KIAA1217: variants seen among roughly 807,000 people sequenced by gnomAD.
The protein encoded by KIAA1217 is KIAA1217.
KIAA1217 carries 88 observed loss-of-function variants against 163.9 expected under a neutral mutation model. The ratio of observed to expected loss-of-function variants is 0.54; its 90% CI spans 0.45 to 0.64. KIAA1217 has a LOEUF of 0.64. Ranked by LOEUF, KIAA1217 falls within the 30% of genes least tolerant of loss-of-function variation. KIAA1217 has a pLI of 0.00. For synonymous variants in KIAA1217, 903 were observed against 923.1 expected, an observed-to-expected ratio of 0.98 and a Z score of 0.39; for missense variants, 2,372 against 2,475.0, an observed-to-expected ratio of 0.96 and a Z score of 0.88.
intron 2 of KIAA1217, among the ~76,000 whole-genome samples, chr10:24,147,006 T>TAA (rs755857019): frequency 0.019 from 2,126 of 110,584 alleles, 55 homozygotes; most frequent in African/African-American, 0.062. Flanking sequence ...TTTGTTTTGT[T>TAA]AAAAAAAAAA....
chr10:23,886,257 A>G lies in KIAA1217; in HGVS notation c.-320-120968A>G, dbSNP rs143602270. On this transcript the variant is annotated intron_variant, in intron 1 of 18. Transcript: ENST00000376462. ...TATTGCTAACTGTGTGGATGTTAAC[A>G]TGGGCATCTTCACATTTGGATCAGA... Among the ~76,000 whole-genome samples the G allele has an allele frequency of 9.1e-4, 138 of 152,048 alleles. 1 individual carries two copies. Among genetic ancestry groups the G allele is most frequent in the African/African-American group, 3.2e-3 (133 of 41,542 alleles).
chr10:24,391,511 A>G (rs1172203596), intron 3 of KIAA1217, among the ~76,000 whole-genome samples: 1 of 151,426 alleles, frequency 6.6e-6, no homozygotes, highest in Non-Finnish European at 1.5e-5. Context: ...CACCTGGTTA[A>G]TTTTTGTATT....
At chr10:24,354,890 G>T (rs2048891879) in intron 2 of KIAA1217, among the ~76,000 whole-genome samples, 1 of 150,492 alleles carries the variant, frequency 6.6e-6, no homozygotes, top group Non-Finnish European at 1.5e-5. Flanking sequence ...AGGGCCATGG[G>T]TTTCCAGACT....
chr10:23,839,884 C>T lies in KIAA1217; in HGVS notation c.-321+144650C>T, dbSNP rs78233352. Among the ~76,000 whole-genome samples the T allele has an allele frequency of 2.1e-3, 321 of 152,094 alleles. 2 individuals carry two copies. Among genetic ancestry groups the T allele is most frequent in the African/African-American group, 7.5e-3 (312 of 41,484 alleles). On this transcript the variant is annotated intron_variant, in intron 1 of 18. Transcript: ENST00000376462. ...CCAATCAGATAGTTTTTATTGAAAA[C>T]GTATGTGTCCAAATGAGTACAGAAA...
intron 2 of KIAA1217, among the ~76,000 whole-genome samples, chr10:24,249,430 A>G (rs1418595405): frequency 2.6e-5 from 4 of 152,202 alleles, no homozygotes. Context: ...CAAGTGCTGT[A>G]GGCTTGGGGT....
rs372012492 is a variant in KIAA1217 at position 24,402,516 on chromosome 10, C to CAAAAAAAAAA, written c.553+21455_553+21456insAAAAAAAAAA. Among the ~76,000 whole-genome samples the CAAAAAAAAAA allele has an allele frequency of 2.9e-4, 27 of 92,964 alleles. 1 individual carries two copies. Among genetic ancestry groups the CAAAAAAAAAA allele is most frequent in the Admixed American group, 4.6e-4 (4 of 8,622 alleles). The allele number at this position is 92,964 out of a possible 152,430, so 61.0% of individuals were successfully genotyped here. A position where few individuals can be genotyped will look rare whatever the true frequency, so the allele number is the denominator to read the frequency against. ...AAGGCAAGACTCCCTCTCAAAAAAA[C>CAAAAAAAAAA]AAAAAACAAAACAAAAAAAAAAAAA... On this transcript the variant is annotated intron_variant, in intron 3 of 20. Coordinates refer to ENST00000376454, the MANE Select transcript of KIAA1217 (RefSeq NM_019590.5).
chr10:24,019,920 A>G (rs1405224083), intron 2 of KIAA1217, among the ~76,000 whole-genome samples: 2 of 152,030 alleles, frequency 1.3e-5, no homozygotes, highest in African/African-American at 4.8e-5. Flanking sequence ...TGATTCTCAG[A>G]TTCAAGGACC....
intron 1 of KIAA1217, among the ~76,000 whole-genome samples, chr10:23,817,499 T>C (rs1588880509): frequency 6.6e-6 from 1 of 152,200 alleles, no homozygotes; most frequent in Admixed American, 6.5e-5. Flanking sequence ...CCAAATGAGA[T>C]AAGAGAGATC....
At chr10:24,440,098 G>C (rs1188214115) in intron 5 of KIAA1217, among the ~76,000 whole-genome samples, 1 of 152,278 alleles carries the variant, frequency 6.6e-6, no homozygotes, top group East Asian at 1.9e-4. Context: ...GGAGGGAAAG[G>C]CCTCTCACGT....
chr10:24,117,278 C>T (rs1037893076), intron 2 of KIAA1217, among the ~76,000 whole-genome samples: 2 of 152,108 alleles, frequency 1.3e-5, no homozygotes, highest in Non-Finnish European at 2.9e-5. Flanking sequence ...CTCAGGTGAT[C>T]CGCCCGCCTT....
At position 24,484,936 on chromosome 10, in the gene KIAA1217, T is replaced by C. The variant is rs553498168; in HGVS notation, c.1680-9564T>C. ...CAGAACAGCCTACACAGAAAGTGAA[T>C]TGTGAAATAGATTAAAGGCTGCCTG... On this transcript the variant is annotated intron_variant, in intron 6 of 20. Transcript: ENST00000376454. 7.6e-4 allele frequency among the ~76,000 whole-genome samples: 116 copies of C among 152,166 alleles called. 1 individual carries two copies. Among genetic ancestry groups the C allele is most frequent in the African/African-American group, 2.7e-3 (113 of 41,530 alleles).
chr10:24,283,582 C>G (rs78024838), intron 2 of KIAA1217, among the ~76,000 whole-genome samples: 1,646 of 152,218 alleles, frequency 0.011, 30 homozygotes, highest in East Asian at 0.084. Context: ...ATGAGAATCA[C>G]TTGAACACAG....
chr10:24,121,963 T>G (rs2063298268), intron 2 of KIAA1217, among the ~76,000 whole-genome samples: 1 of 152,108 alleles, frequency 6.6e-6, no homozygotes, highest in Non-Finnish European at 1.5e-5. Context: ...ACATAACGTG[T>G]GGTTATCTTG....
At position 24,494,545 on chromosome 10, in the gene KIAA1217, C is replaced by A. The variant is rs750511805; in HGVS notation, c.1725C>A (p.Gly575=). 2 of 1,613,962 alleles carry A rather than the reference C, an allele frequency of 1.2e-6. No individual in the cohort carries two copies. The highest frequency in any genetic ancestry group is 4.5e-5 in the East Asian group (2 of 44,890). ...AMEKQIASLT[G]LVQSALFKGP... ...AGAAACAGATTGCCAGTTTAACTGGCCTTGTTCAGTCTGCGCTTTTTAAAG... is the reference window on the plus strand; with the variant it reads ...AGAAACAGATTGCCAGTTTAACTGGACTTGTTCAGTCTGCGCTTTTTAAAG... Residue 575 remains glycine, a synonymous_variant, in exon 7 of 21, where the codon GGC becomes GGA. Coordinates refer to ENST00000376454, the MANE Select transcript of KIAA1217 (RefSeq NM_019590.5).
At chr10:24,527,186 C>T (rs954490874) in intron 13 of KIAA1217, among the ~76,000 whole-genome samples, 10 of 151,900 alleles carry the variant, frequency 6.6e-5, no homozygotes, top group Non-Finnish European at 1.5e-4. Flanking sequence ...GACAATGTGA[C>T]CCAGAGGGCA....
chr10:24,547,419 A>G lies in KIAA1217; in HGVS notation c.*1095A>G, dbSNP rs2075763933. 6.5e-6 allele frequency: 1 copy of G among 152,688 alleles called. No individual in the cohort carries two copies. 9.5% of individuals were successfully genotyped at this position (152,688 alleles called of 1,614,324 possible). ...TTGTAAATAAATGTATTTGTATAAC[A>G]CAGTCATGTAATATACAGAACTATA... On this transcript the variant is annotated 3_prime_UTR_variant, in exon 21 of 21. Coordinates refer to ENST00000376454, the MANE Select transcript of KIAA1217 (RefSeq NM_019590.5).
chr10:24,492,892 A>T lies in KIAA1217; in HGVS notation c.1680-1608A>T, dbSNP rs1021463423. On this transcript the variant is annotated intron_variant, in intron 6 of 20. Coordinates refer to ENST00000376454, the MANE Select transcript of KIAA1217 (RefSeq NM_019590.5). ...AGACAGTCTTGCACTGTCACCCAGG[A>T]TGGAGTGCAGTGGCGCGATCTCAGC... Among the ~76,000 whole-genome samples, 4 of 151,262 alleles carry T rather than the reference A, an allele frequency of 2.6e-5. No homozygotes were observed. In the East Asian group the frequency reaches 7.8e-4, roughly 30 times the overall value.
intron 1 of KIAA1217, among the ~76,000 whole-genome samples, chr10:23,845,112 C>T (rs12245065): frequency 0.013 from 1,974 of 152,230 alleles, 61 homozygotes; most frequent in African/African-American, 0.045. Flanking sequence ...ATATATGTGC[C>T]ACATTTTCTT....
chr10:24,073,885 T>G lies in KIAA1217; in HGVS notation c.-171+66511T>G, dbSNP rs993589439. On this transcript the variant is annotated intron_variant, in intron 2 of 18. Coordinates refer to the KIAA1217 transcript ENST00000376462. ...TGGGAGGACACAGGGAAGTGGAGGT[T>G]AAAACAGGGTTTCTGTAGTAGGTGG... Among the ~76,000 whole-genome samples the G allele has an allele frequency of 2.0e-5, 3 of 152,118 alleles. No homozygotes were observed. In the East Asian group the frequency reaches 5.8e-4, roughly 29 times the overall value.
Sources: gnomAD v4.1 joint callset for allele counts (sites outside exome capture counted in the v4.1 genomes callset) on GRCh38, gnomAD v4.1.1 for gene constraint, MANE v1.5 for transcripts, NCBI Gene and HGNC (gene_info 2026-07-23, HGNC 2026-07-21) for gene names.